SLC44A5: variants seen among roughly 807,000 people sequenced by gnomAD.
The protein encoded by SLC44A5 is choline transporter-like protein 5.
In SLC44A5, 57 loss-of-function variants were observed where a neutral mutation model predicts 101.8. That is an observed-to-expected ratio of 0.56 (90% CI 0.45 to 0.70). The LOEUF is 0.70. Ranked by LOEUF, SLC44A5 falls within the 30% of genes least tolerant of loss-of-function variation. The pLI is 0.00. For missense variants in SLC44A5, 737 were observed against 853.1 expected (o/e 0.86, Z 1.70); for synonymous variants, 281 against 290.9 (o/e 0.97, Z 0.35).
chr1:75,316,376 C>CCCAGCTTAAATGTTACCACCTCTGTGAAG (rs1292944868), intron 4 of SLC44A5, among the ~76,000 whole-genome samples: 16 of 152,272 alleles, frequency 1.1e-4, no homozygotes, highest in Middle Eastern at 3.4e-3. Context: ...ATCATCAACA[C>CCCAGCTTAAATGTTACCACCTCTGTGAAG]CCAGCTTAAA....
chr1:75,417,711 G>A (rs534662593), intron 2 of SLC44A5, among the ~76,000 whole-genome samples: 13 of 152,268 alleles, frequency 8.5e-5, no homozygotes, highest in East Asian at 1.9e-4. Context: ...AAAAACATAC[G>A]TTTGAAAGAC....
At chr1:75,468,140 A>G (rs772672628) in intron 2 of SLC44A5, among the ~76,000 whole-genome samples, 27 of 152,208 alleles carry the variant, frequency 1.8e-4, no homozygotes, top group African/African-American at 1.9e-4. Flanking sequence ...TCCCGGTTAA[A>G]ATGGCTTATG....
At chr1:75,475,142 A>C (rs1271007265) in intron 2 of SLC44A5, among the ~76,000 whole-genome samples, 1 of 152,250 alleles carries the variant, frequency 6.6e-6, no homozygotes, top group Non-Finnish European at 1.5e-5. Context: ...AATAACATCA[A>C]TAATGATGAT....
At chr1:75,466,741 G>C (rs1414922445) in intron 2 of SLC44A5, among the ~76,000 whole-genome samples, 1 of 150,456 alleles carries the variant, frequency 6.6e-6, no homozygotes, top group Non-Finnish European at 1.5e-5. Flanking sequence ...TTATCATACT[G>C]AATGGGGAAA....
At chr1:75,699,082 G>T in the SLC44A5 span, among the ~76,000 whole-genome samples, 1 of 152,150 alleles carries the variant, frequency 6.6e-6, no homozygotes, top group South Asian at 2.1e-4. Flanking sequence ...ACACTCTGAA[G>T]GATATTATCC....
chr1:75,568,932 TTTAA>T (rs1672924061), intron 1 of SLC44A5, among the ~76,000 whole-genome samples: 1 of 152,184 alleles, frequency 6.6e-6, no homozygotes, highest in Non-Finnish European at 1.5e-5. Context: ...TCCTTACAAT[TTTAA>T]TTAATCCTGT....
intron 9 of SLC44A5, among the ~76,000 whole-genome samples, chr1:75,240,548 T>C (rs1374170286): frequency 6.6e-6 from 1 of 152,104 alleles, no homozygotes; most frequent in Non-Finnish European, 1.5e-5. Context: ...TTTATATTTA[T>C]CCTTTTGCAT....
intron 3 of SLC44A5, among the ~76,000 whole-genome samples, chr1:75,363,321 T>A (rs891321066): frequency 1.1e-4 from 16 of 151,996 alleles, no homozygotes; most frequent in African/African-American, 3.9e-4. Context: ...TAGGTAAGGA[T>A]GTATTATTGC....
rs193147817 is a variant in SLC44A5, at chr1:75,259,403, A to C, written c.261-8109T>G. On this transcript the variant is annotated intron_variant, in intron 6 of 23. Coordinates refer to ENST00000370859, the MANE Select transcript of SLC44A5 (RefSeq NM_001130058.2). The stretch of plus-strand genomic sequence containing the variant: ...AGCATACACAAGTATCAATAGCAGA[A>C]TCGATCAAGTGGAAGAAAGAATGTC... 2.1e-3 allele frequency among the ~76,000 whole-genome samples: 313 copies of C among 152,306 alleles called. 1 individual carries two copies. Among genetic ancestry groups the C allele is most frequent in the African/African-American group, 7.3e-3 (304 of 41,554 alleles).
intron 1 of SLC44A5, among the ~76,000 whole-genome samples, chr1:75,542,228 G>A (rs773177659): frequency 1.5e-4 from 23 of 152,132 alleles, no homozygotes; most frequent in Non-Finnish European, 2.5e-4. Flanking sequence ...GAGTTACCAT[G>A]TACCCTTCAC....
intron 2 of SLC44A5, among the ~76,000 whole-genome samples, chr1:75,429,580 G>A (rs1664495801): frequency 6.6e-6 from 1 of 152,150 alleles, no homozygotes; most frequent in South Asian, 2.1e-4. Context: ...AGAAAATGAG[G>A]TTTATTTTGG....
At chr1:75,442,316 G>A (rs934157359) in intron 2 of SLC44A5, among the ~76,000 whole-genome samples, 2 of 152,128 alleles carry the variant, frequency 1.3e-5, no homozygotes, top group African/African-American at 4.8e-5. Context: ...CTATTCAGGA[G>A]ACTACTGCAA....
intron 7 of SLC44A5, among the ~76,000 whole-genome samples, chr1:75,248,970 G>A (rs1393011712): frequency 6.6e-6 from 1 of 152,108 alleles, no homozygotes; most frequent in Non-Finnish European, 1.5e-5. Context: ...GGATGGGTTA[G>A]GATCAGTGGT....
At chr1:75,499,236 G>A (rs1668824160) in intron 2 of SLC44A5, among the ~76,000 whole-genome samples, 1 of 152,178 alleles carries the variant, frequency 6.6e-6, no homozygotes, top group African/African-American at 2.4e-5. Flanking sequence ...CATGGATGGG[G>A]GCCGGAAGGG....
At chr1:75,703,366 C>T in the SLC44A5 span, among the ~76,000 whole-genome samples, 6 of 151,972 alleles carry the variant, frequency 3.9e-5, no homozygotes, top group South Asian at 4.1e-4. Flanking sequence ...TGTACGGACA[C>T]GGATGAAGCT....
chr1:75,592,249 A>G (rs1674395881), intron 1 of SLC44A5, among the ~76,000 whole-genome samples: 1 of 152,160 alleles, frequency 6.6e-6, no homozygotes, highest in African/African-American at 2.4e-5. Flanking sequence ...TGCAAAAAAA[A>G]ATTTAAAAAG....
chr1:75,698,266 G>T, the SLC44A5 span, among the ~76,000 whole-genome samples: 1 of 152,200 alleles, frequency 6.6e-6, no homozygotes, highest in Non-Finnish European at 1.5e-5. Context: ...TGACAGCTTT[G>T]AAGAGAGCAG....
intron 3 of SLC44A5, among the ~76,000 whole-genome samples, chr1:75,376,005 C>A (rs1004013933): frequency 6.6e-6 from 1 of 152,182 alleles, no homozygotes; most frequent in Non-Finnish European, 1.5e-5. Flanking sequence ...CGAAGCAGGG[C>A]GAGGCATTGC....
intron 3 of SLC44A5, among the ~76,000 whole-genome samples, chr1:75,386,542 G>A (rs1276028609): frequency 6.6e-6 from 1 of 152,134 alleles, no homozygotes; most frequent in African/African-American, 2.4e-5. Context: ...ACAAACCGCT[G>A]CTCAAGGAAA....
Sources: gnomAD v4.1 joint callset for allele counts (sites outside exome capture counted in the v4.1 genomes callset) on GRCh38, gnomAD v4.1.1 for gene constraint, MANE v1.5 for transcripts, NCBI Gene and HGNC (gene_info 2026-07-23, HGNC 2026-07-21) for gene names.